The following ASB3 variants were observed in gnomAD, a reference collection of about 807,000 sequenced individuals.
The protein encoded by ASB3 is ankyrin repeat and SOCS box containing 3.
A neutral mutation model predicts 54.5 loss-of-function variants in ASB3; 41 were observed. The observed-to-expected ratio is 0.75, with a 90% CI of 0.59 to 0.98. The LOEUF (loss-of-function observed/expected upper bound fraction) is 0.98, where lower values mean the gene tolerates loss of function less well. Ranked by LOEUF, ASB3 falls within the 50% of genes least tolerant of loss-of-function variation. The pLI, the probability that ASB3 is intolerant of heterozygous loss-of-function variation, is 0.00. For missense variants in ASB3, 733 were observed against 620.0 expected, an observed-to-expected ratio of 1.18 and a Z score of -1.94; for synonymous variants, 266 against 221.2, an observed-to-expected ratio of 1.20 and a Z score of -1.80.
intron 3 of ASB3, among the ~76,000 whole-genome samples, chr2:53,744,117 C>T (rs533890973): frequency 2.0e-5 from 3 of 151,768 alleles, no homozygotes; most frequent in Admixed American, 6.6e-5. Flanking sequence ...TGGCTCACGC[C>T]TGTAATCCCA....
chr2:53,731,845 G>A (rs374955466), intron 3 of ASB3, among the ~76,000 whole-genome samples: 9 of 152,236 alleles, frequency 5.9e-5, no homozygotes, highest in East Asian at 5.8e-4. Flanking sequence ...TAGAGATAGC[G>A]TCTCACCATG....
At chr2:53,743,576 A>G (rs1171735272) in intron 3 of ASB3, among the ~76,000 whole-genome samples, 2 of 152,216 alleles carry the variant, frequency 1.3e-5, no homozygotes, top group Non-Finnish European at 2.9e-5. Context: ...GGGGAGAAAG[A>G]GAGTTATGTA....
rs1667754554 is a variant in ASB3, at chr2:53,670,505, A to G, written c.1555T>C (p.Ter519GlnextTer6). 1 of 1,612,772 alleles carries G rather than the reference A, an allele frequency of 6.2e-7. No individual in the cohort carries two copies. The highest frequency in any genetic ancestry group is 1.1e-5 in the South Asian group (1 of 90,834). ...VPELAAIQDG[*>Q] Reference sequence around the variant, plus strand: ...CTGTGTTAAGTAGTTTCACTGATTTATCCATCTTGAATAGCTGCCAGTTCT... The same window carrying G: ...CTGTGTTAAGTAGTTTCACTGATTTGTCCATCTTGAATAGCTGCCAGTTCT... The change falls in exon 10 of 10, where the codon TAA becomes CAA. Residue 519 changes from the stop codon to glutamine, a stop_lost. Coordinates refer to ENST00000263634, the MANE Select transcript of ASB3 (RefSeq NM_016115.5).
chr2:53,734,489 C>G (rs1671504954), intron 3 of ASB3, among the ~76,000 whole-genome samples: 1 of 152,188 alleles, frequency 6.6e-6, no homozygotes, highest in Non-Finnish European at 1.5e-5. Context: ...ATTCATTCAA[C>G]AAATGTCTAC....
At chr2:53,712,553 T>C (rs1334563549) in intron 7 of ASB3, among the ~76,000 whole-genome samples, 4 of 152,210 alleles carry the variant, frequency 2.6e-5, no homozygotes, top group African/African-American at 9.6e-5. Context: ...TGAAACATAC[T>C]GCCCAGCTCC....
chr2:53,724,395 A>G (rs559291904), intron 5 of ASB3, among the ~76,000 whole-genome samples: 13 of 152,218 alleles, frequency 8.5e-5, no homozygotes, highest in South Asian at 4.1e-4. Context: ...TGAGGAGATC[A>G]AGACCATCCT....
intron 3 of ASB3, among the ~76,000 whole-genome samples, chr2:53,749,036 A>C (rs1672379356): frequency 6.6e-6 from 1 of 152,104 alleles, no homozygotes; most frequent in South Asian, 2.1e-4. Context: ...AAGGAAATTA[A>C]ATGACAAACC....
chr2:53,744,435 AGTT>A (rs900477418), intron 3 of ASB3, among the ~76,000 whole-genome samples: 48 of 152,132 alleles, frequency 3.2e-4, no homozygotes, highest in African/African-American at 1.1e-3. Flanking sequence ...TGTAATATAA[AGTT>A]GTATCAAGAA....
intron 9 of ASB3, among the ~76,000 whole-genome samples, chr2:53,676,794 G>A (rs1442751419): frequency 5.3e-5 from 8 of 152,018 alleles, no homozygotes; most frequent in South Asian, 2.1e-4. Context: ...GTTTTGAGAC[G>A]GAGTCTCACT....
chr2:53,693,710 T>C (rs1267635442), intron 9 of ASB3, among the ~76,000 whole-genome samples, 174 bp downstream of exon 9: 1 of 152,152 alleles, frequency 6.6e-6, no homozygotes, highest in African/African-American at 2.4e-5. Flanking sequence ...TGATTTTTAC[T>C]GAAGGGAATT....
At chr2:53,747,061 C>A (rs545522910) in intron 3 of ASB3, among the ~76,000 whole-genome samples, 1 of 152,018 alleles carries the variant, frequency 6.6e-6, no homozygotes, top group Admixed American at 6.5e-5. Flanking sequence ...AAATATAAAC[C>A]CCTAAAAACT....
At chr2:53,740,065 T>C (rs995576171) in intron 3 of ASB3, among the ~76,000 whole-genome samples, 1 of 152,220 alleles carries the variant, frequency 6.6e-6, no homozygotes, top group Non-Finnish European at 1.5e-5. Context: ...CCACAGGCTG[T>C]CCATCTCCTC....
chr2:53,716,230 C>T (rs1295402059), intron 6 of ASB3, among the ~76,000 whole-genome samples: 1 of 152,134 alleles, frequency 6.6e-6, no homozygotes, highest in Non-Finnish European at 1.5e-5. Flanking sequence ...ATGGCCTCAT[C>T]AGATTGATGC....
intron 2 of ASB3, among the ~76,000 whole-genome samples, chr2:53,751,433 T>C (rs1313033058): frequency 1.3e-5 from 2 of 152,196 alleles, no homozygotes; most frequent in Admixed American, 1.3e-4. Flanking sequence ...GGTTTAATTG[T>C]TAATGAAAAC....
chr2:53,713,839 G>C (rs1670238351), intron 7 of ASB3, among the ~76,000 whole-genome samples: 1 of 151,972 alleles, frequency 6.6e-6, no homozygotes, highest in African/African-American at 2.4e-5. Context: ...CCTGAGCCTG[G>C]GATGCAGAAG....
chr2:53,715,827 T>C (rs999580733), intron 6 of ASB3, among the ~76,000 whole-genome samples: 2 of 152,196 alleles, frequency 1.3e-5, no homozygotes, highest in African/African-American at 4.8e-5. Flanking sequence ...GTAAACAAAC[T>C]AAATTAAGTA....
chr2:53,786,180 G>A (rs1450889479), intron 1 of ASB3: 1 of 152,154 alleles, frequency 6.6e-6, no homozygotes. Flanking sequence ...AAGAGGGGGA[G>A]GGAAAAACAA....
chr2:53,771,830 CA>C, intron 1 of ASB3: 1 of 797,620 alleles, frequency 1.3e-6, no homozygotes, highest in South Asian at 1.5e-5. Context: ...TATTCCATGT[CA>C]AAAATGTTGC....
At chr2:53,717,764 C>A (rs377735598) in intron 5 of ASB3, among the ~76,000 whole-genome samples, 2 of 151,996 alleles carry the variant, frequency 1.3e-5, no homozygotes, top group African/African-American at 4.8e-5. Flanking sequence ...AAGATCCAGA[C>A]AAGGTTGAAA....
Sources: gnomAD v4.1 joint callset for allele counts (sites outside exome capture counted in the v4.1 genomes callset) on GRCh38, gnomAD v4.1.1 for gene constraint, MANE v1.5 for transcripts, NCBI Gene and HGNC (gene_info 2026-07-23, HGNC 2026-07-21) for gene names.